The following PHACTR1 variants were observed in gnomAD, a reference collection of about 807,000 sequenced individuals.
PHACTR1 encodes the protein phosphatase and actin regulator 1, also known as RPEL repeat containing 1.
A neutral mutation model predicts 69.2 loss-of-function variants in PHACTR1; 16 were observed. The observed-to-expected ratio is 0.23, with a 90% confidence interval of 0.16 to 0.35. The LOEUF (loss-of-function observed/expected upper bound fraction) is 0.35, where lower values mean the gene tolerates loss of function less well. Among genes scored for constraint, PHACTR1 ranks in the 10% least tolerant of loss-of-function variants. The pLI, the probability that PHACTR1 is intolerant of heterozygous loss-of-function variation, is 1.00. For missense variants in PHACTR1, 510 were observed against 734.7 expected (o/e 0.69, Z 3.54); for synonymous variants, 312 against 284.5 (o/e 1.10, Z -0.97).
intron 4 of PHACTR1, among the ~76,000 whole-genome samples, chr6:12,947,313 T>C (rs532452010): frequency 6.6e-6 from 1 of 151,460 alleles, no homozygotes; most frequent in African/African-American, 2.4e-5. Flanking sequence ...GCTTCCCAAG[T>C]ATAACCTGAA....
chr6:13,122,500 A>G (rs887616158), intron 5 of PHACTR1, among the ~76,000 whole-genome samples: 3 of 152,208 alleles, frequency 2.0e-5, no homozygotes, highest in African/African-American at 7.2e-5. Context: ...GACAATGTCA[A>G]GCTATTGATA....
intron 4 of PHACTR1, among the ~76,000 whole-genome samples, chr6:12,987,972 A>C (rs547640833): frequency 6.6e-6 from 1 of 151,740 alleles, no homozygotes; most frequent in African/African-American, 2.4e-5. Flanking sequence ...AACCACTTAC[A>C]CTCTCCTGCT....
At chr6:13,276,416 G>A (rs1778921948) in intron 11 of PHACTR1, among the ~76,000 whole-genome samples, 1 of 152,216 alleles carries the variant, frequency 6.6e-6, no homozygotes, top group South Asian at 2.1e-4. Flanking sequence ...GAGTGTAAAG[G>A]TGACACAGTT....
chr6:13,228,244 G>A (rs1332007092), intron 9 of PHACTR1, among the ~76,000 whole-genome samples, 181 bp downstream of exon 9: 1 of 152,150 alleles, frequency 6.6e-6, no homozygotes, highest in African/African-American at 2.4e-5. Flanking sequence ...TCAGTAAGAG[G>A]AGAGGGTAAA....
At chr6:12,717,305 A>G in intron 1 of PHACTR1, among the ~76,000 whole-genome samples, 1 of 152,074 alleles carries the variant, frequency 6.6e-6, no homozygotes. Flanking sequence ...ATTCTTTTGT[A>G]GCTGCAAATC....
chr6:13,218,958 G>A (rs375291412), intron 8 of PHACTR1, among the ~76,000 whole-genome samples: 2 of 151,848 alleles, frequency 1.3e-5, no homozygotes, highest in Non-Finnish European at 2.9e-5. Context: ...TTATCTACCC[G>A]GGCTCTCAAC....
intron 6 of PHACTR1, among the ~76,000 whole-genome samples, chr6:13,171,704 T>C (rs1032788105): frequency 6.6e-6 from 1 of 152,148 alleles, no homozygotes; most frequent in Non-Finnish European, 1.5e-5. Flanking sequence ...AGAGCCCAGC[T>C]AGAGAAACAG....
intron 5 of PHACTR1, among the ~76,000 whole-genome samples, chr6:13,076,091 C>T (rs1196280814): frequency 1.4e-5 from 2 of 145,190 alleles, no homozygotes; most frequent in African/African-American, 5.1e-5. Flanking sequence ...CATTGTTTGG[C>T]TCAGTTTTCT....
intron 3 of PHACTR1, among the ~76,000 whole-genome samples, chr6:12,719,866 T>C (rs921738308): frequency 1.3e-5 from 2 of 152,186 alleles, no homozygotes; most frequent in African/African-American, 4.8e-5. Context: ...GCCATCTCCT[T>C]CTCTGCTTTC....
At chr6:12,932,742 A>G (rs1401136421) in intron 4 of PHACTR1, among the ~76,000 whole-genome samples, 1 of 152,162 alleles carries the variant, frequency 6.6e-6, no homozygotes, top group African/African-American at 2.4e-5. Context: ...ATTAATCCAT[A>G]GAGTAACCCT....
Position 13,160,695 on chromosome 6 carries a change from T to TTTTG in PHACTR1, c.496+428_496+431dup, listed in dbSNP as rs543424604. Among the ~76,000 whole-genome samples, 607 of 152,242 alleles carry TTTTG rather than the reference T, an allele frequency of 4.0e-3. 4 individuals are homozygous for TTTTG. The highest frequency in any genetic ancestry group is 0.014 in the African/African-American group (583 of 41,536). ...CTCATCTAGGATTTCCTTAACTTGTTTTTGTTTGTTTGTTTGTTTGCTTTT... is the reference window on the plus strand; with the variant it reads ...CTCATCTAGGATTTCCTTAACTTGTTTTTGTTTGTTTGTTTGTTTGTTTGCTTTT... On this transcript the variant is annotated intron_variant, in intron 6 of 14. Coordinates refer to ENST00000332995, the MANE Select transcript of PHACTR1 (RefSeq NM_030948.6).
chr6:12,745,319 G>T (rs1335106899), intron 3 of PHACTR1, among the ~76,000 whole-genome samples: 1 of 152,170 alleles, frequency 6.6e-6, no homozygotes, highest in African/African-American at 2.4e-5. Context: ...AGAGTCTACA[G>T]TGTTAAAATG....
At chr6:12,933,144 C>T (rs1258780897) in intron 4 of PHACTR1, among the ~76,000 whole-genome samples, 2 of 152,002 alleles carry the variant, frequency 1.3e-5, no homozygotes, top group Non-Finnish European at 2.9e-5. Flanking sequence ...CCATGTTGGC[C>T]AGGCTGGTCT....
At chr6:13,175,945 A>C (rs1310908907) in intron 6 of PHACTR1, among the ~76,000 whole-genome samples, 1 of 152,104 alleles carries the variant, frequency 6.6e-6, no homozygotes, top group African/African-American at 2.4e-5. Flanking sequence ...GTCTGGAGTC[A>C]ACACGGGTCC....
At chr6:12,956,050 G>GA (rs1791861829) in intron 4 of PHACTR1, among the ~76,000 whole-genome samples, 1 of 152,224 alleles carries the variant, frequency 6.6e-6, no homozygotes, top group African/African-American at 2.4e-5. Context: ...AGGAAGGCAG[G>GA]AGGGAGAAAG....
At chr6:12,779,111 G>A (rs1246023550) in intron 4 of PHACTR1, among the ~76,000 whole-genome samples, 1 of 152,166 alleles carries the variant, frequency 6.6e-6, no homozygotes, top group Non-Finnish European at 1.5e-5. Flanking sequence ...CGAGGCTGGC[G>A]GGTCACCTGA....
At chr6:13,115,392 T>TTG (rs927117644) in intron 5 of PHACTR1, among the ~76,000 whole-genome samples, 1 of 151,188 alleles carries the variant, frequency 6.6e-6, no homozygotes, top group Non-Finnish European at 1.5e-5. Flanking sequence ...CTCTCTCCCT[T>TTG]TCTCTCTCTC....
chr6:13,059,472 ACACACAC>A (rs1583174643), intron 5 of PHACTR1, among the ~76,000 whole-genome samples: 1 of 151,286 alleles, frequency 6.6e-6, no homozygotes, highest in African/African-American at 2.4e-5. Context: ...ACACACACAC[ACACACAC>A]ACACACACAC....
At chr6:13,193,668 G>A (rs182150218) in intron 7 of PHACTR1, among the ~76,000 whole-genome samples, 7 of 151,116 alleles carry the variant, frequency 4.6e-5, no homozygotes, top group Non-Finnish European at 7.4e-5. Flanking sequence ...GACTACAGGC[G>A]AGATCTGCCA....
Sources: gnomAD v4.1 joint callset for allele counts (sites outside exome capture counted in the v4.1 genomes callset) on GRCh38, gnomAD v4.1.1 for gene constraint, MANE v1.5 for transcripts, NCBI Gene and HGNC (gene_info 2026-07-23, HGNC 2026-07-21) for gene names.